ATAT1: variants seen among roughly 807,000 people sequenced by gnomAD.
ATAT1 encodes alpha-tubulin N-acetyltransferase 1.
In ATAT1, 42 loss-of-function variants were observed where a neutral mutation model predicts 57.2. That is an observed-to-expected ratio of 0.73 (90% confidence interval 0.57 to 0.95). The LOEUF (loss-of-function observed/expected upper bound fraction) is 0.95. ATAT1 is among the 40% of genes least tolerant of loss of function. The pLI is 0.00. For missense variants in ATAT1, 454 were observed against 523.7 expected (o/e 0.87, Z 1.30); for synonymous variants, 168 against 187.1 (o/e 0.90, Z 0.83).
Position 30,642,833 on chromosome 6 carries a change from G to GGGGGGCCCCCCCCCCCCCCCCCC in ATAT1, c.754_755insGGGGGCCCCCCCCCCCCCCCCCC (p.Ala252GlyfsTer75). 3.9e-6 allele frequency: 6 copies of GGGGGGCCCCCCCCCCCCCCCCCC among 1,537,764 alleles called. No homozygotes were observed. Among genetic ancestry groups the GGGGGGCCCCCCCCCCCCCCCCCC allele is most frequent in the Non-Finnish European group, 4.4e-6 (5 of 1,145,698 alleles). On this transcript the variant is annotated frameshift_variant, in exon 10 of 13. Transcript: ENST00000330083. LOFTEE classifies it high-confidence loss of function. The stretch of plus-strand genomic sequence containing the variant: ...GGCCCCTCGCCGCGCCACACCTCCA[G>GGGGGGCCCCCCCCCCCCCCCCCC]CCCACCCACCCCCCCGCTCCAGCAG...
intron 6 of ATAT1, among the ~76,000 whole-genome samples, chr6:30,630,943 CAA>C (rs565010583): frequency 1.8e-5 from 2 of 112,250 alleles, no homozygotes; most frequent in African/African-American, 3.3e-5. Context: ...TGTCTCGGAA[CAA>C]AAAAAAAAAA....
intron 10 of ATAT1, 120 bp downstream of exon 10, chr6:30,643,131 T>C: frequency 6.7e-7 from 1 of 1,502,410 alleles, no homozygotes; most frequent in Non-Finnish European, 8.9e-7. Context: ...TTGGGGGGGG[T>C]CCTGAAACCT....
At chr6:30,639,195 C>G (rs1015183853) in intron 6 of ATAT1, among the ~76,000 whole-genome samples, 2 of 151,984 alleles carry the variant, frequency 1.3e-5, no homozygotes, top group African/African-American at 4.8e-5. Context: ...TTGGCCAGAC[C>G]GGTCTTGAAC....
chr6:30,628,133 G>C lies in ATAT1; in HGVS notation c.387G>C (p.Gln129His). 1 of 1,612,796 alleles carries C rather than the reference G, an allele frequency of 6.2e-7. No homozygotes were observed. Among genetic ancestry groups the C allele is most frequent in the South Asian group, 1.1e-5 (1 of 91,074 alleles). The change falls in exon 5 of 13, where the codon CAG becomes CAC. Residue 129 changes from glutamine (Q) to histidine (H), a missense_variant. This residue lies in a region of ATAT1 where 236 missense variants were observed against 284.5 expected (regional missense o/e 0.83). Coordinates refer to ENST00000330083, the MANE Select transcript of ATAT1 (RefSeq NM_001031722.4). ...ATGGCCATGGGCGAGAACTCTTCCA[G>C]TATATGTTGCAGGTATCACTGACCT...
At chr6:30,640,831 T>C (rs959798058) in intron 8 of ATAT1, 19 of 592,506 alleles carry the variant, frequency 3.2e-5, no homozygotes, top group African/African-American at 2.2e-4. Context: ...ACAGCTGATA[T>C]CAATGGACCC....
intron 6 of ATAT1, among the ~76,000 whole-genome samples, chr6:30,634,545 C>T (rs1763603027): frequency 6.6e-6 from 1 of 151,082 alleles, no homozygotes. Context: ...CACCGGCGCC[C>T]AGCCAGGTTC....
chr6:30,644,527 C>T (rs1766254032), intron 10 of ATAT1: 12 of 985,728 alleles, frequency 1.2e-5, no homozygotes, highest in African/African-American at 5.2e-5. Flanking sequence ...AGGTGCCCCA[C>T]TGTGTTTCCT....
rs2517563 is a variant in ATAT1, at chr6:30,630,939, G to A, written c.501+2509G>A. Among the ~76,000 whole-genome samples the A allele has an allele frequency of 7.4e-3, 1,118 of 150,394 alleles. 9 individuals carry two copies. The highest frequency in any genetic ancestry group is 9.7e-3 in the African/African-American group (397 of 41,074). On this transcript the variant is annotated intron_variant, in intron 6 of 12. Transcript: ENST00000330083. ...GGGGACGAAGCGAGACTCTTGTCTC[G>A]GAACAAAAAAAAAAAACAGAAAAAG...
intron 6 of ATAT1, among the ~76,000 whole-genome samples, 166 bp from the exon 7 acceptor site, chr6:30,640,211 T>C (rs1462672126): frequency 8.6e-5 from 13 of 151,910 alleles, no homozygotes; most frequent in Admixed American, 6.6e-4. Context: ...CTAGGAGCAA[T>C]AGGCTGTATG....
Position 30,627,460 on chromosome 6 carries a change from T to C in ATAT1, c.72T>C (p.Ser24=), listed in dbSNP as rs1203919803. Residue 24 remains serine, a splice_region_variant and synonymous_variant, in exon 2 of 13, where the codon AGT becomes AGC. Transcript: ENST00000330083. ...CTCTTTATTTCTTCTCTTTCTCTAG[T>C]GTTGATCTACAGCAGCAAATTATGA... The C allele has an allele frequency of 6.2e-7, 1 of 1,613,182 alleles. No individual in the cohort carries two copies.
At chr6:30,632,940 C>CAA (rs9257002) in intron 6 of ATAT1, among the ~76,000 whole-genome samples, 2,479 of 127,230 alleles carry the variant, frequency 0.019, 48 homozygotes, top group East Asian at 0.078. Context: ...GACCCCATAT[C>CAA]AAAAAAAAAA....
chr6:30,643,900 C>A, intron 10 of ATAT1: 1 of 1,207,446 alleles, frequency 8.3e-7, no homozygotes, highest in Non-Finnish European at 1.0e-6. Flanking sequence ...AACTTTAGAC[C>A]ACCATGGAAG....
chr6:30,627,549 G>A (rs1195921830), intron 2 of ATAT1, 29 bp downstream of exon 2: 7 of 1,608,686 alleles, frequency 4.4e-6, no homozygotes, highest in African/African-American at 1.3e-5. Context: ...ATGGAGTAAA[G>A]GGAGGACCTC....
intron 6 of ATAT1, 131 bp downstream of exon 6, chr6:30,628,561 C>T (rs1762158228): frequency 4.0e-6 from 3 of 742,258 alleles, no homozygotes; most frequent in African/African-American, 1.8e-5. Context: ...CTTTCTTTCT[C>T]TTGTGGTACC....
In ATAT1 at chr6:30,644,305, G is replaced by C. The variant is rs377256246; in HGVS notation, c.932+1294G>C. The C allele has an allele frequency of 1.1e-4, 111 of 985,780 alleles. 4 individuals are homozygous for C. The East Asian group carries it at 2.0e-3, about 18-fold the overall frequency. The allele number at this position is 985,780 out of a possible 1,614,324, so 61.1% of individuals were successfully genotyped here. ...GATCCAGAGTGTCAAGGATCTGTTAGATCCTGGAATCCCTTCTTGCATCCA... is the reference window on the plus strand; with the variant it reads ...GATCCAGAGTGTCAAGGATCTGTTACATCCTGGAATCCCTTCTTGCATCCA... On this transcript the variant is annotated intron_variant, in intron 10 of 12. Transcript: ENST00000330083.
intron 6 of ATAT1, among the ~76,000 whole-genome samples, chr6:30,635,939 G>A (rs1438071564): frequency 6.6e-6 from 1 of 152,180 alleles, no homozygotes; most frequent in Non-Finnish European, 1.5e-5. Flanking sequence ...TTTGCAGATG[G>A]GAGAACAAAT....
chr6:30,645,872 A>G (rs1180156591), intron 10 of ATAT1, 23 bp from the exon 11 acceptor site: 4 of 1,457,476 alleles, frequency 2.7e-6, no homozygotes, highest in South Asian at 2.9e-5. Context: ...CCTCCTCCCC[A>G]TCATCTCCCA....
chr6:30,643,197 A>G (rs1160426557), intron 10 of ATAT1, 186 bp downstream of exon 10: 1 of 1,443,304 alleles, frequency 6.9e-7, no homozygotes, highest in Non-Finnish European at 9.1e-7. Context: ...GAAGGAGCAG[A>G]ATAGGACCTT....
chr6:30,629,309 T>C (rs1582751374), intron 6 of ATAT1, among the ~76,000 whole-genome samples: 2 of 151,188 alleles, frequency 1.3e-5, no homozygotes, highest in African/African-American at 4.9e-5. Flanking sequence ...AGTGGCACGA[T>C]CACAGCTCAC....
Sources: gnomAD v4.1 joint callset for allele counts (sites outside exome capture counted in the v4.1 genomes callset) on GRCh38, gnomAD v4.1.1 for gene constraint, gnomAD v4.1.1 regional missense constraint, MANE v1.5 for transcripts, NCBI Gene and HGNC (gene_info 2026-07-23, HGNC 2026-07-21) for gene names.